Variants in RALYL observed in about 807,000 individuals in gnomAD.
RALYL encodes the protein RNA-binding Raly-like protein.
In RALYL, 29 loss-of-function variants were observed where a neutral mutation model predicts 35.1. The observed-to-expected ratio is 0.83, with a 90% CI of 0.61 to 1.13. RALYL has a LOEUF of 1.13. Ranked by LOEUF, RALYL falls within the 50% of genes most tolerant of loss-of-function variation. RALYL has a pLI of 0.00. For missense variants in RALYL, 359 were observed against 360.4 expected (o/e 1.00, Z 0.03); for synonymous variants, 120 against 127.6 (o/e 0.94, Z 0.40).
intron 1 of RALYL, among the ~76,000 whole-genome samples, chr8:84,360,059 G>A (rs1451810786): frequency 1.3e-5 from 2 of 152,010 alleles, no homozygotes; most frequent in African/African-American, 4.8e-5. Flanking sequence ...TTTTAGTAAA[G>A]ATGGGGTTTT....
intron 2 of RALYL, among the ~76,000 whole-genome samples, chr8:84,556,108 A>G (rs545078232): frequency 7.2e-5 from 11 of 152,354 alleles, no homozygotes; most frequent in South Asian, 4.1e-4. Flanking sequence ...AAAACAAAAT[A>G]AGGTCACTTA....
rs1193864685 is a variant in RALYL at position 84,274,663 on chromosome 8, G to A, written c.-24+90239G>A. 2.0e-5 allele frequency among the ~76,000 whole-genome samples: 3 copies of A among 152,128 alleles called. No individual in the cohort carries two copies. In the East Asian group the frequency reaches 5.8e-4, roughly 29 times the overall value. ...GCTCCTTTGGTGTTGGCATTTTTGT[G>A]TAATTCAGGAATTGTATCTCTATAA... On this transcript the variant is annotated intron_variant, in intron 1 of 8. Coordinates refer to ENST00000521268, the MANE Select transcript of RALYL (RefSeq NM_173848.7).
At chr8:84,372,837 C>A (rs1014995524) in intron 1 of RALYL, among the ~76,000 whole-genome samples, 1 of 146,572 alleles carries the variant, frequency 6.8e-6, no homozygotes, top group Non-Finnish European at 1.5e-5. Context: ...TACACTCCCA[C>A]CAACAGTGTG....
intron 2 of RALYL, among the ~76,000 whole-genome samples, chr8:84,691,048 G>C (rs1355290198): frequency 6.6e-6 from 1 of 152,086 alleles, no homozygotes; most frequent in Non-Finnish European, 1.5e-5. Context: ...GCATCTCCAA[G>C]CATTTTATAG....
At chr8:84,844,971 G>A (rs1289356804) in intron 4 of RALYL, among the ~76,000 whole-genome samples, 2 of 151,960 alleles carry the variant, frequency 1.3e-5, no homozygotes, top group Non-Finnish European at 2.9e-5. Context: ...CCTGTTGTGG[G>A]GTGGGGGAAG....
chr8:84,399,389 T>TGGTGCAAACTCAAAATGC (rs2042672105), intron 1 of RALYL, among the ~76,000 whole-genome samples: 1 of 152,160 alleles, frequency 6.6e-6, no homozygotes. Context: ...CCTTAAAGAC[T>TGGTGCAAACTCAAAATGC]ACCAATAAGT....
Position 84,438,487 on chromosome 8 carries a change from C to T in RALYL, c.-23-90812C>T, listed in dbSNP as rs529125981. ...CACTGCAACCTCCACCTCCTGGGCT[C>T]AAGCCATCCTCCTGCCTCAGCCTCA... On this transcript the variant is annotated intron_variant, in intron 1 of 8. Coordinates refer to ENST00000521268, the MANE Select transcript of RALYL (RefSeq NM_173848.7). Among the ~76,000 whole-genome samples, 8 of 152,270 alleles carry T rather than the reference C, an allele frequency of 5.3e-5. No individual in the cohort carries two copies. The South Asian group carries it at 1.7e-3, about 32-fold the overall frequency.
intron 2 of RALYL, among the ~76,000 whole-genome samples, chr8:84,530,166 A>G (rs933878616): frequency 1.3e-5 from 2 of 152,190 alleles, no homozygotes; most frequent in Non-Finnish European, 2.9e-5. Context: ...AGAAAGGAAA[A>G]CAATGCAGTC....
chr8:84,792,589 G>T (rs941109135), intron 3 of RALYL, among the ~76,000 whole-genome samples: 1 of 152,120 alleles, frequency 6.6e-6, no homozygotes, highest in South Asian at 2.1e-4. Context: ...CAGGCTTAAG[G>T]GTGGGCCCTT....
At chr8:84,918,983 T>C (rs1430375800) in intron 8 of RALYL, among the ~76,000 whole-genome samples, 2 of 152,050 alleles carry the variant, frequency 1.3e-5, no homozygotes, top group Non-Finnish European at 2.9e-5. Context: ...TAATGAATTA[T>C]GCACAAAAAA....
chr8:84,731,252 A>C (rs1364156746), intron 2 of RALYL, among the ~76,000 whole-genome samples: 1 of 152,116 alleles, frequency 6.6e-6, no homozygotes, highest in African/African-American at 2.4e-5. Flanking sequence ...GTACCCACAG[A>C]ATTGAATTCA....
At chr8:84,683,125 T>G (rs536584431) in intron 2 of RALYL, among the ~76,000 whole-genome samples, 8 of 152,226 alleles carry the variant, frequency 5.3e-5, no homozygotes, top group East Asian at 1.9e-4. Flanking sequence ...GGAGCAGGTT[T>G]TTCAGTTTCC....
At chr8:84,552,992 A>G (rs182787223) in intron 2 of RALYL, among the ~76,000 whole-genome samples, 65 of 152,310 alleles carry the variant, frequency 4.3e-4, no homozygotes, top group African/African-American at 1.2e-3. Flanking sequence ...ACATACATAC[A>G]TAAATGAACT....
intron 2 of RALYL, among the ~76,000 whole-genome samples, chr8:84,668,256 A>G (rs1832468420): frequency 6.6e-6 from 1 of 152,166 alleles, no homozygotes. Flanking sequence ...CCTTCAGGTT[A>G]TTTCAATAGA....
intron 2 of RALYL, among the ~76,000 whole-genome samples, chr8:84,530,256 T>A (rs2059188283): frequency 6.6e-6 from 1 of 152,134 alleles, no homozygotes; most frequent in Admixed American, 6.5e-5. Context: ...TTAGATGTTT[T>A]TCTACCTTAG....
At chr8:84,616,718 G>GT (rs1413530303) in intron 2 of RALYL, among the ~76,000 whole-genome samples, 1 of 151,066 alleles carries the variant, frequency 6.6e-6, no homozygotes, top group Middle Eastern at 3.2e-3. Context: ...GGTTTTTATG[G>GT]TTTTAGGTCT....
intron 1 of RALYL, among the ~76,000 whole-genome samples, chr8:84,339,936 A>G (rs181269080): frequency 1.5e-4 from 23 of 152,100 alleles, no homozygotes; most frequent in African/African-American, 4.3e-4. Flanking sequence ...TATAATCCCC[A>G]CATGTCATGG....
chr8:84,288,331 G>T (rs191750545), intron 1 of RALYL, among the ~76,000 whole-genome samples: 28 of 152,248 alleles, frequency 1.8e-4, no homozygotes, highest in Admixed American at 1.1e-3. Context: ...CTGTGCTACA[G>T]TATCTCTTAA....
chr8:84,694,564 A>G (rs1273529620), intron 2 of RALYL, among the ~76,000 whole-genome samples: 3 of 151,874 alleles, frequency 2.0e-5, no homozygotes, highest in Non-Finnish European at 4.4e-5. Context: ...AATACTCACC[A>G]TAATTCCAAT....
Sources: allele counts gnomAD v4.1 joint callset (sites outside exome capture counted in the v4.1 genomes callset), GRCh38; gene constraint gnomAD v4.1.1; transcripts MANE v1.5; gene names NCBI Gene and HGNC (gene_info 2026-07-23, HGNC 2026-07-21).